The following DUSP22 variants were observed in gnomAD, a reference collection of about 807,000 sequenced individuals.
The protein encoded by DUSP22 is dual specificity protein phosphatase 22.
A neutral mutation model predicts 24.5 loss-of-function variants in DUSP22; 24 were observed. The ratio of observed to expected loss-of-function variants is 0.98; its 90% confidence interval spans 0.71 to 1.38. DUSP22 has a LOEUF of 1.38. DUSP22 is among the 40% of genes most tolerant of loss of function. The pLI, the probability that DUSP22 is intolerant of heterozygous loss-of-function variation, is 0.00. For missense variants in DUSP22, 330 were observed against 269.2 expected (o/e 1.23, Z -1.58); for synonymous variants, 160 against 106.4 (o/e 1.50, Z -3.10).
rs1760122495 is a variant in DUSP22 at position 350,138 on chromosome 6, C to G, written c.*1187C>G. The G allele has an allele frequency of 1.0e-6, 1 of 986,014 alleles. No homozygotes were observed. The highest frequency in any genetic ancestry group is 1.2e-6 in the Non-Finnish European group (1 of 830,438). The allele number at this position is 986,014 out of a possible 1,614,324, so 61.1% of individuals were successfully genotyped here. A position where few individuals can be genotyped will look rare whatever the true frequency, so the allele number is the denominator to read the frequency against. ...AGGTGTTTTTTGGTATGCAAGTCAG[C>G]TTTGCCTCACAGTTGAAAATGTTCG... On this transcript the variant is annotated 3_prime_UTR_variant, in exon 7 of 7. Coordinates refer to ENST00000419235, the MANE Select transcript of DUSP22 (RefSeq NM_001286555.3).
At chr6:292,651 G>A (rs1333252398) in intron 1 of DUSP22, 91 bp downstream of exon 1, 5 of 1,505,476 alleles carry the variant, frequency 3.3e-6, no homozygotes, top group Non-Finnish European at 4.4e-6. Flanking sequence ...TCGAGCCCGG[G>A]GTGCCCTTTC....
intron 3 of DUSP22, chr6:319,877 T>G (rs1438474959): frequency 6.6e-6 from 1 of 152,392 alleles, no homozygotes; most frequent in Non-Finnish European, 1.5e-5. Flanking sequence ...GCAAATTTGT[T>G]TGAAGCCAAC....
At chr6:299,519 A>G (rs1325600847) in intron 1 of DUSP22, among the ~76,000 whole-genome samples, 2 of 152,296 alleles carry the variant, frequency 1.3e-5, no homozygotes, top group African/African-American at 2.4e-5. Context: ...TCTTGTTTGT[A>G]ATTCTATATG....
intron 2 of DUSP22, 145 bp downstream of exon 2, chr6:304,806 T>G (rs1306786440): frequency 8.0e-7 from 1 of 1,249,270 alleles, no homozygotes; most frequent in African/African-American, 1.5e-5. Context: ...GCAGGACTTT[T>G]CATGTTCCCA....
At chr6:341,861 C>T (rs1759623645) in intron 4 of DUSP22, among the ~76,000 whole-genome samples, 1 of 152,306 alleles carries the variant, frequency 6.6e-6, no homozygotes, top group Non-Finnish European at 1.5e-5. Context: ...CCACTCGGCT[C>T]TCTGGGCACG....
intron 5 of DUSP22, 137 bp downstream of exon 5, chr6:346,065 C>A (rs1209413501): frequency 5.4e-6 from 6 of 1,102,456 alleles, no homozygotes; most frequent in Non-Finnish European, 8.0e-6. Flanking sequence ...AACGCGTGCT[C>A]CATTTGTCCA....
At chr6:307,984 C>T (rs549905202) in intron 2 of DUSP22, among the ~76,000 whole-genome samples, 3 of 152,426 alleles carry the variant, frequency 2.0e-5, no homozygotes, top group Admixed American at 6.5e-5. Flanking sequence ...TAACTGATAA[C>T]CTTCCTGTTG....
intron 1 of DUSP22, among the ~76,000 whole-genome samples, chr6:293,388 G>T (rs1291316277): frequency 1.3e-5 from 2 of 152,286 alleles, no homozygotes; most frequent in Non-Finnish European, 2.9e-5. Flanking sequence ...TACTTGGCTG[G>T]TTTCGAGGAA....
chr6:344,299 T>C (rs1380958139), intron 4 of DUSP22, among the ~76,000 whole-genome samples: 1 of 152,090 alleles, frequency 6.6e-6, no homozygotes, highest in Non-Finnish European at 1.5e-5. Flanking sequence ...ATTTGTTTAT[T>C]TATTGAGACA....
chr6:351,053 T>C lies in DUSP22; in HGVS notation c.*2102T>C. 1.0e-6 allele frequency: 1 copy of C among 952,622 alleles called. No homozygotes were observed. Among genetic ancestry groups the C allele is most frequent in the Non-Finnish European group, 1.5e-6 (1 of 646,698 alleles). 59.0% of individuals were successfully genotyped at this position (952,622 alleles called of 1,614,324 possible). ...GGATATTCTTTAGCAAGAGAAAATATTTTCCCCTTATCCCCACTGCTGTGG... is the reference window on the plus strand; with the variant it reads ...GGATATTCTTTAGCAAGAGAAAATACTTTCCCCTTATCCCCACTGCTGTGG... On this transcript the variant is annotated 3_prime_UTR_variant, in exon 7 of 7. Coordinates refer to ENST00000419235, the MANE Select transcript of DUSP22 (RefSeq NM_001286555.3).
In DUSP22 at chr6:348,872, C is replaced by T. The variant is rs761027746; in HGVS notation, c.539C>T (p.Pro180Leu). 5 of 1,614,150 alleles carry T rather than the reference C, an allele frequency of 3.1e-6. No individual in the cohort carries two copies. The highest frequency in any genetic ancestry group is 2.7e-5 in the African/African-American group (2 of 74,968). ...TATAAGGAGCAAGGGCGCACAGAGC[C>T]CCAGCCCGGCGCCAGGCGGTGGAGC... ...GKYKEQGRTE[P>L]QPGARRWSSF... The change falls in exon 7 of 7, where the codon CCC becomes CTC. Residue 180 changes from proline to leucine, a missense_variant. Pro to Leu is a moderately conservative substitution (Grantham distance 98). Transcript: ENST00000419235.
At chr6:320,450 A>C (rs1176894158) in intron 3 of DUSP22, 1 of 153,198 alleles carries the variant, frequency 6.5e-6, no homozygotes, top group East Asian at 1.9e-4. Flanking sequence ...GAAGGGCAAG[A>C]TCTGCCAGGA....
chr6:305,301 G>A (rs971339375), intron 2 of DUSP22, among the ~76,000 whole-genome samples: 10 of 152,296 alleles, frequency 6.6e-5, no homozygotes, highest in South Asian at 2.1e-4. Context: ...GGCTGTGCCC[G>A]CTCCAGCTCT....
At position 345,849 on chromosome 6, in the gene DUSP22, C is replaced by G; in HGVS notation, c.189-5C>G. ...GATGTCATTTCTCTTTTTTTCTTTT[C>G]CCAGGACAAGACATTTCAAAGAAAG... On this transcript the variant is annotated splice_region_variant and splice_polypyrimidine_tract_variant and intron_variant, in intron 4 of 6. Coordinates refer to ENST00000419235, the MANE Select transcript of DUSP22 (RefSeq NM_001286555.3). 1.2e-6 allele frequency: 2 copies of G among 1,612,722 alleles called. No individual in the cohort carries two copies. Among genetic ancestry groups the G allele is most frequent in the Non-Finnish European group, 1.7e-6 (2 of 1,179,520 alleles).
At chr6:336,631 G>C (rs59216985) in intron 4 of DUSP22, among the ~76,000 whole-genome samples, 4,225 of 151,108 alleles carry the variant, frequency 0.028, 4 homozygotes, top group East Asian at 0.076. Context: ...ACGGGAGGTG[G>C]GAAGCTGGAG....
chr6:302,076 G>T (rs1211740140), intron 1 of DUSP22, among the ~76,000 whole-genome samples: 1 of 152,302 alleles, frequency 6.6e-6, no homozygotes, highest in Non-Finnish European at 1.5e-5. Context: ...GGACTGGAGT[G>T]TCAGATGGCG....
chr6:318,004 G>C (rs1436826107), intron 3 of DUSP22, among the ~76,000 whole-genome samples: 1 of 152,306 alleles, frequency 6.6e-6, no homozygotes, highest in South Asian at 2.1e-4. Flanking sequence ...CAGAGGATCG[G>C]TTAGTGCAAT....
At chr6:337,255 C>G (rs1172247106) in intron 4 of DUSP22, 1 of 152,476 alleles carries the variant, frequency 6.6e-6, no homozygotes, top group African/African-American at 2.4e-5. Flanking sequence ...TTGGGCAGGT[C>G]ATTTTAACCC....
At chr6:301,035 G>A (rs1168126905) in intron 1 of DUSP22, among the ~76,000 whole-genome samples, 1 of 152,308 alleles carries the variant, frequency 6.6e-6, no homozygotes, top group African/African-American at 2.4e-5. Flanking sequence ...CCTGCAGCCG[G>A]CGTGCAGACT....
Sources: gnomAD v4.1 joint callset for allele counts (sites outside exome capture counted in the v4.1 genomes callset) on GRCh38, gnomAD v4.1.1 for gene constraint, MANE v1.5 for transcripts, NCBI Gene and HGNC (gene_info 2026-07-23, HGNC 2026-07-21) for gene names.